Variants in RPH3A observed in about 807,000 individuals in gnomAD.
RPH3A encodes the protein rabphilin 3A.
RPH3A carries 48 observed loss-of-function variants against 102.2 expected under a neutral mutation model. The observed-to-expected ratio is 0.47, with a 90% CI of 0.37 to 0.60. The LOEUF is 0.60. Ranked by LOEUF, RPH3A falls within the 20% of genes least tolerant of loss-of-function variation. The probability of loss-of-function intolerance (pLI) is 0.00; values close to 1 mark genes in which losing one functional copy is unlikely to be tolerated. For synonymous variants in RPH3A, 310 were observed against 324.3 expected (o/e 0.96, Z 0.47); for missense variants, 781 against 910.1 (o/e 0.86, Z 1.83).
intron 3 of RPH3A, among the ~76,000 whole-genome samples, chr12:112,834,488 G>A (rs941349332): frequency 2.6e-5 from 4 of 152,172 alleles, no homozygotes; most frequent in African/African-American, 9.7e-5. Flanking sequence ...GTCACATGGT[G>A]GATGCCGGTT....
rs116363212 is a variant in RPH3A, at chr12:112,616,106, C to T, written c.-140+40787C>T. Among the ~76,000 whole-genome samples the T allele has an allele frequency of 3.9e-3, 589 of 152,190 alleles. 5 individuals carry two copies. Among genetic ancestry groups the T allele is most frequent in the African/African-American group, 0.012 (507 of 41,526 alleles). On this transcript the variant is annotated intron_variant, in intron 1 of 21. Coordinates refer to the RPH3A transcript ENST00000543106. ...TTGTCTTCCATCCTCAGAGCCCTGCCGAGCAACTGGTTTATCTCTGATAAA... is the reference window on the plus strand; with the variant it reads ...TTGTCTTCCATCCTCAGAGCCCTGCTGAGCAACTGGTTTATCTCTGATAAA...
intron 17 of RPH3A, among the ~76,000 whole-genome samples, chr12:112,889,411 C>T (rs138864923): frequency 7.6e-4 from 116 of 152,350 alleles, no homozygotes; most frequent in African/African-American, 2.7e-3. Context: ...CTGCAGCAGC[C>T]GCAGAACACT....
At chr12:112,846,529 G>A (rs2042231033) in intron 4 of RPH3A, among the ~76,000 whole-genome samples, 2 of 152,344 alleles carry the variant, frequency 1.3e-5, no homozygotes, top group Middle Eastern at 3.4e-3. Flanking sequence ...AGATGGGGAG[G>A]AGGGAGGAAG....
chr12:112,879,247 G>T (rs772722599), intron 14 of RPH3A, 49 bp downstream of exon 14: 13 of 1,506,080 alleles, frequency 8.6e-6, no homozygotes, highest in Admixed American at 1.7e-5. Context: ...CTCTGGCATG[G>T]CTAGGAGACT....
At chr12:112,809,605 C>A (rs1049181057) in intron 2 of RPH3A, among the ~76,000 whole-genome samples, 1 of 152,188 alleles carries the variant, frequency 6.6e-6, no homozygotes, top group Non-Finnish European at 1.5e-5. Flanking sequence ...ATGCCAGGAG[C>A]TCTGCATGCC....
intron 10 of RPH3A, among the ~76,000 whole-genome samples, chr12:112,872,507 C>T (rs1218752433): frequency 6.6e-6 from 1 of 151,900 alleles, no homozygotes; most frequent in Non-Finnish European, 1.5e-5. Context: ...GTTGTTTTTT[C>T]ACTCTTTTAT....
intron 16 of RPH3A, among the ~76,000 whole-genome samples, chr12:112,885,742 T>C (rs1200483948): frequency 1.3e-5 from 2 of 152,210 alleles, no homozygotes; most frequent in East Asian, 3.8e-4. Context: ...CTCAAGCATT[T>C]ATCCCTGTGT....
At chr12:112,855,158 T>C (rs1014078588) in intron 5 of RPH3A, among the ~76,000 whole-genome samples, 3 of 152,180 alleles carry the variant, frequency 2.0e-5, no homozygotes, top group African/African-American at 7.2e-5. Context: ...TGGACCTAAC[T>C]TCCAAATCCA....
chr12:112,683,597 G>A (rs1393954573), intron 1 of RPH3A, among the ~76,000 whole-genome samples: 1 of 152,200 alleles, frequency 6.6e-6, no homozygotes, highest in African/African-American at 2.4e-5. Context: ...GGTTACTGCT[G>A]TGTGCAACTG....
intron 1 of RPH3A, among the ~76,000 whole-genome samples, chr12:112,662,654 T>G (rs901590391): frequency 3.3e-5 from 5 of 152,046 alleles, no homozygotes; most frequent in Admixed American, 3.3e-4. Context: ...GGTTTCTCTC[T>G]CAACTGCTGA....
rs1483990284 is a variant in RPH3A, at chr12:112,862,007, C to T, written c.231-3407C>T. 3.6e-4 allele frequency among the ~76,000 whole-genome samples: 41 copies of T among 112,576 alleles called. 1 individual carries two copies. The highest frequency in any genetic ancestry group is 2.7e-3 in the South Asian group (9 of 3,294). The allele number at this position is 112,576 out of a possible 152,430, so 73.9% of individuals were successfully genotyped here. On this transcript the variant is annotated intron_variant, in intron 5 of 21. Transcript: ENST00000389385. The stretch of plus-strand genomic sequence containing the variant: ...CAGCCTGGGTGACAGAGCAAGACTC[C>T]GTCTCAAAAAAAAAAAAAAAAAAAA...
intron 1 of RPH3A, among the ~76,000 whole-genome samples, chr12:112,606,628 A>G (rs2039599214): frequency 6.6e-6 from 1 of 152,124 alleles, no homozygotes; most frequent in East Asian, 1.9e-4. Context: ...TGGAGCAAAT[A>G]GGCTTAATTG....
At chr12:112,675,840 A>G (rs2040170451) in intron 1 of RPH3A, among the ~76,000 whole-genome samples, 1 of 152,210 alleles carries the variant, frequency 6.6e-6, no homozygotes, top group Admixed American at 6.5e-5. Flanking sequence ...AGGAAAATAG[A>G]AATGACACTG....
At chr12:112,767,027 G>A (rs2040894464) in intron 1 of RPH3A, among the ~76,000 whole-genome samples, 1 of 152,200 alleles carries the variant, frequency 6.6e-6, no homozygotes, top group Non-Finnish European at 1.5e-5. Flanking sequence ...ACGTCCCAAG[G>A]ATGTAGATGC....
chr12:112,770,170 T>C (rs1010684527), intron 1 of RPH3A, among the ~76,000 whole-genome samples: 8 of 152,224 alleles, frequency 5.3e-5, no homozygotes, highest in African/African-American at 1.9e-4. Context: ...ATTGAATGTT[T>C]AGGCTATTTT....
chr12:112,713,034 CTT>C lies in RPH3A; in HGVS notation c.-139-79108_-139-79107del, dbSNP rs1565857364. ...TCCTCTTCCTCTTCCTCTTCTTCTT[CTT>C]CTTCTTCTTCTTCTCCTTCTTCTTC... On this transcript the variant is annotated intron_variant, in intron 1 of 21. Transcript: ENST00000543106. Among the ~76,000 whole-genome samples the C allele has an allele frequency of 2.4e-4, 20 of 81,654 alleles. 2 individuals are homozygous for C. Among genetic ancestry groups the C allele is most frequent in the African/African-American group, 1.1e-3 (17 of 15,752 alleles). The allele number at this position is 81,654 out of a possible 152,430, so 53.6% of individuals were successfully genotyped here.
chr12:112,580,394 C>CTTTTTTTTTTTTTTTTTT (rs773931202), intron 1 of RPH3A, among the ~76,000 whole-genome samples: 3 of 76,944 alleles, frequency 3.9e-5, no homozygotes, highest in Non-Finnish European at 4.8e-5. Context: ...TTTGTCTTGT[C>CTTTTTTTTTTTTTTTTTT]TTTTTTTTTT....
rs1565857315 is a variant in RPH3A, at chr12:112,713,029, T to TCTTCCTCTTCCTCTTCC, written c.-139-79114_-139-79113insCTTCCTCTTCCTCTTCC. 8.7e-5 allele frequency among the ~76,000 whole-genome samples: 6 copies of TCTTCCTCTTCCTCTTCC among 69,164 alleles called. 1 individual carries two copies. The highest frequency in any genetic ancestry group is 7.3e-4 in the South Asian group (1 of 1,370). 45.4% of individuals were successfully genotyped at this position (69,164 alleles called of 152,430 possible). A position where few individuals can be genotyped will look rare whatever the true frequency, so the allele number is the denominator to read the frequency against. On this transcript the variant is annotated intron_variant, in intron 1 of 21. Coordinates refer to the RPH3A transcript ENST00000543106. Reference sequence around the variant, plus strand: ...CCTCTTCCTCTTCCTCTTCCTCTTCTTCTTCTTCTTCTTCTTCTTCTCCTT... The same window carrying TCTTCCTCTTCCTCTTCC: ...CCTCTTCCTCTTCCTCTTCCTCTTCTCTTCCTCTTCCTCTTCCTCTTCTTCTTCTTCTTCTTCTCCTT...
chr12:112,842,371 C>A (rs2042161293), intron 4 of RPH3A, among the ~76,000 whole-genome samples: 2 of 152,196 alleles, frequency 1.3e-5, no homozygotes, highest in Admixed American at 1.3e-4. Context: ...CTAGTTGACC[C>A]TCATATGAGC....
Sources: gnomAD v4.1 joint callset for allele counts (sites outside exome capture counted in the v4.1 genomes callset) on GRCh38, gnomAD v4.1.1 for gene constraint, MANE v1.5 for transcripts, NCBI Gene and HGNC (gene_info 2026-07-23, HGNC 2026-07-21) for gene names.